GLRA2: variants seen among roughly 807,000 people sequenced by gnomAD.
GLRA2 encodes the protein glycine receptor alpha 2, also known as glycine receptor subunit alpha-2.
GLRA2 carries 11 observed loss-of-function variants against 31.6 expected under a neutral mutation model. That is an observed-to-expected ratio of 0.35 (90% CI 0.22 to 0.58). The LOEUF is 0.58. Ranked by LOEUF, GLRA2 falls within the 20% of genes least tolerant of loss-of-function variation. The pLI is 0.84. For synonymous variants in GLRA2, 132 were observed against 134.0 expected, an observed-to-expected ratio of 0.99 and a Z score of 0.10; for missense variants, 212 against 351.8, an observed-to-expected ratio of 0.60 and a Z score of 3.18.
chrX:14,611,402 A>T (rs1257687581), intron 7 of GLRA2, among the ~76,000 whole-genome samples: 4 of 113,048 alleles, frequency 3.5e-5, no homozygotes, highest in African/African-American at 1.3e-4. Context: ...TGTTGTTAAG[A>T]CTTTGGTGTA....
At chrX:14,708,430 A>C (rs2091661303) in intron 8 of GLRA2, among the ~76,000 whole-genome samples, 1 of 111,266 alleles carries the variant, frequency 9.0e-6, no homozygotes. Flanking sequence ...CAGGGACAGG[A>C]GGTATATGTT....
intron 5 of GLRA2, among the ~76,000 whole-genome samples, chrX:14,606,800 A>G (rs1302140088): frequency 8.9e-6 from 1 of 112,370 alleles, no homozygotes. Context: ...AGTAAAGACA[A>G]TCTTCAAAGG....
At chrX:14,659,143 T>C (rs2090968247) in intron 7 of GLRA2, among the ~76,000 whole-genome samples, 1 of 112,377 alleles carries the variant, frequency 8.9e-6, no homozygotes, top group African/African-American at 3.2e-5. Context: ...AAAGTTTTAT[T>C]GGAACATAGT....
At chrX:14,585,257 A>G (rs773956931) in intron 4 of GLRA2, among the ~76,000 whole-genome samples, 7 of 111,824 alleles carry the variant, frequency 6.3e-5, no homozygotes, top group South Asian at 7.5e-4. Context: ...TGAACCAGAT[A>G]CTGTACTGGG....
chrX:14,449,818 G>A, the GLRA2 span, among the ~76,000 whole-genome samples: 2 of 112,308 alleles, frequency 1.8e-5, no homozygotes, highest in Non-Finnish European at 3.8e-5. Context: ...CTGTCCAGGG[G>A]TATCCAGCTG....
Position 14,647,082 on chromosome X carries a change from C to T in GLRA2, c.930+37877C>T, listed in dbSNP as rs2090840007. 4.5e-5 allele frequency among the ~76,000 whole-genome samples: 5 copies of T among 111,513 alleles called. No homozygotes were observed. In the South Asian group the frequency reaches 1.9e-3, roughly 42 times the overall value. On this transcript the variant is annotated intron_variant, in intron 7 of 8. Coordinates refer to ENST00000218075, the MANE Select transcript of GLRA2 (RefSeq NM_002063.4). ...ATGTTGGGCAGTGCACAGAGGGATC[C>T]AAAAGCATCTAATTAAACACAGAGA...
rs193057044 is a variant in GLRA2 at position 14,703,025 on chromosome X, G to T, written c.1080+12166G>T. ...GAGCTTCAAAGAGCAGCAGTGCCAT[G>T]GGACCTTATAAGTGCAAGGACCAGC... On this transcript the variant is annotated intron_variant, in intron 8 of 8. Coordinates refer to ENST00000218075, the MANE Select transcript of GLRA2 (RefSeq NM_002063.4). Among the ~76,000 whole-genome samples the T allele has an allele frequency of 5.2e-4, 58 of 111,730 alleles. No homozygotes were observed. The South Asian group carries it at 5.3e-3, about 10-fold the overall frequency.
chrX:14,467,931 G>A, the GLRA2 span, among the ~76,000 whole-genome samples: 1 of 111,610 alleles, frequency 9.0e-6, no homozygotes, highest in Non-Finnish European at 1.9e-5. Flanking sequence ...AAAGGGTGAG[G>A]CAGAATTTTG....
chrX:14,490,670 GAAAC>G, the GLRA2 span, among the ~76,000 whole-genome samples: 6 of 111,825 alleles, frequency 5.4e-5, no homozygotes, highest in Non-Finnish European at 9.4e-5. Flanking sequence ...ATGGCTGGAT[GAAAC>G]AAACAAACAA....
chrX:14,604,682 A>G (rs2090315804), intron 5 of GLRA2, among the ~76,000 whole-genome samples: 2 of 109,266 alleles, frequency 1.8e-5, no homozygotes, highest in South Asian at 7.9e-4. Flanking sequence ...CCCAAAAAAT[A>G]GCCTGATTTG....
At chrX:14,606,980 A>G in intron 5 of GLRA2, 151 bp from the exon 6 acceptor site, 2 of 401,058 alleles carry the variant, frequency 5.0e-6, no homozygotes, top group Non-Finnish European at 8.7e-6. Flanking sequence ...AGTTGTAGTG[A>G]TGATTGCAGC....
intron 7 of GLRA2, among the ~76,000 whole-genome samples, chrX:14,635,569 T>C (rs1601788161): frequency 8.9e-6 from 1 of 111,827 alleles, no homozygotes; most frequent in African/African-American, 3.3e-5. Flanking sequence ...TGTTCTTTTG[T>C]TAGTAAATGT....
Position 14,711,613 on chromosome X carries a change from T to A in GLRA2, c.1081-18594T>A, listed in dbSNP as rs747991925. Reference sequence around the variant, plus strand: ...CTGTGTATACCATCATGCTAACATTTATTGAGCATACACTATATACCAGGC... The same window carrying A: ...CTGTGTATACCATCATGCTAACATTAATTGAGCATACACTATATACCAGGC... On this transcript the variant is annotated intron_variant, in intron 8 of 8. Coordinates refer to ENST00000218075, the MANE Select transcript of GLRA2 (RefSeq NM_002063.4). Among the ~76,000 whole-genome samples the A allele has an allele frequency of 2.7e-5, 3 of 112,584 alleles. No homozygotes were observed. The South Asian group carries it at 1.1e-3, about 41-fold the overall frequency.
chrX:14,568,349 A>G (rs1227116250), intron 2 of GLRA2, among the ~76,000 whole-genome samples: 2 of 111,785 alleles, frequency 1.8e-5, no homozygotes, highest in African/African-American at 6.5e-5. Flanking sequence ...TGATTTTGAC[A>G]GGGTTGGCAA....
intron 4 of GLRA2, among the ~76,000 whole-genome samples, chrX:14,588,799 G>T (rs1279705469): frequency 9.0e-6 from 1 of 111,028 alleles, no homozygotes; most frequent in Non-Finnish European, 1.9e-5. Flanking sequence ...TCTCCTCCTT[G>T]GTTAGCTGTA....
At chrX:14,556,173 CA>C (rs1373586632) in intron 2 of GLRA2, among the ~76,000 whole-genome samples, 5 of 111,603 alleles carry the variant, frequency 4.5e-5, no homozygotes, top group African/African-American at 1.3e-4. Flanking sequence ...ATTCCATTAT[CA>C]TAACTCCAAA....
chrX:14,585,310 A>AAT (rs2090068512), intron 4 of GLRA2, among the ~76,000 whole-genome samples: 1 of 111,690 alleles, frequency 9.0e-6, no homozygotes, highest in African/African-American at 3.3e-5. Flanking sequence ...TTTCCCCTGG[A>AAT]ATGACTTCAG....
chrX:14,607,655 C>G (rs1011421682), intron 6 of GLRA2, among the ~76,000 whole-genome samples: 3 of 111,383 alleles, frequency 2.7e-5, no homozygotes, highest in Non-Finnish European at 5.7e-5. Flanking sequence ...CAATTTGCAC[C>G]CACTGTCTTA....
chrX:14,691,271 C>CTGTGTG (rs4014173), intron 8 of GLRA2, among the ~76,000 whole-genome samples: 255 of 85,260 alleles, frequency 3.0e-3, no homozygotes, highest in Non-Finnish European at 4.2e-3. Flanking sequence ...TAAATATTGA[C>CTGTGTG]TGTGTGTGTG....
Sources: gnomAD v4.1 joint callset for allele counts (sites outside exome capture counted in the v4.1 genomes callset) on GRCh38, gnomAD v4.1.1 for gene constraint, MANE v1.5 for transcripts, NCBI Gene and HGNC (gene_info 2026-07-23, HGNC 2026-07-21) for gene names.